The following FRMD3 variants were observed in gnomAD, a reference collection of about 807,000 sequenced individuals.
The protein encoded by FRMD3 is FERM domain containing 3.
A neutral mutation model predicts 70.2 loss-of-function variants in FRMD3; 33 were observed. That is an observed-to-expected ratio of 0.47 (90% CI 0.36 to 0.63). FRMD3 has a LOEUF of 0.63. FRMD3 is among the 20% of genes least tolerant of loss of function. The pLI is 0.00. For missense variants in FRMD3, 632 were observed against 711.4 expected, an observed-to-expected ratio of 0.89 and a Z score of 1.27; for synonymous variants, 279 against 255.9, an observed-to-expected ratio of 1.09 and a Z score of -0.86.
intron 1 of FRMD3, among the ~76,000 whole-genome samples, chr9:83,402,898 CTTTTTTTTTT>C (rs559570925): frequency 4.6e-5 from 4 of 87,296 alleles, no homozygotes; most frequent in African/African-American, 1.3e-4. Flanking sequence ...TTCTTTCTTT[CTTTTTTTTTT>C]TTTTTTTTTT....
At chr9:83,410,952 C>G (rs904739544) in intron 1 of FRMD3, among the ~76,000 whole-genome samples, 1 of 152,178 alleles carries the variant, frequency 6.6e-6, no homozygotes, top group Non-Finnish European at 1.5e-5. Flanking sequence ...TCACTCATCC[C>G]TGTACCTCAG....
At chr9:83,253,130 A>G (rs1178086846) in intron 13 of FRMD3, among the ~76,000 whole-genome samples, 3 of 152,160 alleles carry the variant, frequency 2.0e-5, no homozygotes, top group African/African-American at 7.2e-5. Flanking sequence ...GAAGTAAAAC[A>G]CTCTCCAAGA....
At chr9:83,562,067 G>T in the FRMD3 span, among the ~76,000 whole-genome samples, 1 of 152,172 alleles carries the variant, frequency 6.6e-6, no homozygotes, top group African/African-American at 2.4e-5. Flanking sequence ...AATAATGAGT[G>T]GATGGGATCA....
chr9:83,434,116 C>T (rs939576284), intron 1 of FRMD3, among the ~76,000 whole-genome samples: 1 of 152,208 alleles, frequency 6.6e-6, no homozygotes, highest in African/African-American at 2.4e-5. Context: ...CTTCCTCAAG[C>T]TCACAGGCTT....
At chr9:83,330,788 C>T (rs1836227269) in intron 6 of FRMD3, among the ~76,000 whole-genome samples, 1 of 152,196 alleles carries the variant, frequency 6.6e-6, no homozygotes, top group Admixed American at 6.5e-5. Flanking sequence ...ATTTAACTAG[C>T]CCTTACCTAG....
chr9:83,280,182 A>G (rs12115310), intron 13 of FRMD3, among the ~76,000 whole-genome samples: 8,428 of 152,272 alleles, frequency 0.055, 607 homozygotes, highest in African/African-American at 0.17. Context: ...GATCTAGGTC[A>G]TATCAATGTC....
At chr9:83,284,780 A>G (rs987948187) in intron 13 of FRMD3, among the ~76,000 whole-genome samples, 1 of 152,196 alleles carries the variant, frequency 6.6e-6, no homozygotes, top group African/African-American at 2.4e-5. Context: ...AACTACAGAA[A>G]GGGAGAAAAG....
intron 12 of FRMD3, among the ~76,000 whole-genome samples, chr9:83,295,472 G>A (rs561548083): frequency 6.6e-6 from 1 of 152,260 alleles, no homozygotes; most frequent in Non-Finnish European, 1.5e-5. Flanking sequence ...ATAAGAGATG[G>A]TAGTAATATT....
At chr9:83,275,797 A>G (rs1348007181) in intron 13 of FRMD3, 1 of 152,256 alleles carries the variant, frequency 6.6e-6, no homozygotes, top group African/African-American at 2.4e-5. Context: ...TGGGAGTAAC[A>G]TGAAGGGAAA....
intron 6 of FRMD3, among the ~76,000 whole-genome samples, chr9:83,317,426 G>A (rs1287246865): frequency 6.6e-6 from 1 of 152,030 alleles, no homozygotes; most frequent in Non-Finnish European, 1.5e-5. Flanking sequence ...AGCTTTGCTC[G>A]GGGTGATCCT....
intron 4 of FRMD3, among the ~76,000 whole-genome samples, chr9:83,348,234 C>T (rs1448225157): frequency 1.3e-5 from 2 of 151,630 alleles, no homozygotes; most frequent in East Asian, 3.9e-4. Flanking sequence ...CTCGCTCTCT[C>T]CTCTCTCTCT....
At chr9:83,455,165 C>T (rs1387214027) in intron 1 of FRMD3, among the ~76,000 whole-genome samples, 2 of 152,152 alleles carry the variant, frequency 1.3e-5, no homozygotes, top group Non-Finnish European at 2.9e-5. Context: ...ATTCCATATC[C>T]TATTTCTTCC....
intron 1 of FRMD3, among the ~76,000 whole-genome samples, chr9:83,419,482 TGA>T (rs897464333): frequency 2.7e-5 from 4 of 148,980 alleles, no homozygotes; most frequent in South Asian, 4.3e-4. Context: ...GTTCATGTGT[TGA>T]GAGTGTGTGT....
At chr9:83,502,668 A>C (rs1247750229) in intron 1 of FRMD3, among the ~76,000 whole-genome samples, 1 of 152,228 alleles carries the variant, frequency 6.6e-6, no homozygotes, top group East Asian at 1.9e-4. Context: ...AAAGGGCAGC[A>C]GAGGTTACCT....
At chr9:83,306,948 C>T (rs767335655) in intron 10 of FRMD3, among the ~76,000 whole-genome samples, 9 of 152,112 alleles carry the variant, frequency 5.9e-5, no homozygotes, top group South Asian at 2.1e-4. Flanking sequence ...GAATTGTACA[C>T]TTTAAAATAA....
chr9:83,307,367 C>A (rs11140017), intron 10 of FRMD3, among the ~76,000 whole-genome samples: 1 of 152,052 alleles, frequency 6.6e-6, no homozygotes. Context: ...ATCCAATGCT[C>A]GTAGCAGCAT....
chr9:83,533,886 C>T (rs1829838876), intron 1 of FRMD3, among the ~76,000 whole-genome samples: 1 of 152,098 alleles, frequency 6.6e-6, no homozygotes, highest in Admixed American at 6.5e-5. Flanking sequence ...GTTTACCAGG[C>T]TTTGCCAAAG....
intron 1 of FRMD3, among the ~76,000 whole-genome samples, chr9:83,523,028 T>C (rs1292472188): frequency 6.6e-6 from 1 of 152,214 alleles, no homozygotes. Context: ...AATCTGTTTA[T>C]GTGTCTGTCT....
At position 83,313,594 on chromosome 9, in the gene FRMD3, G is replaced by A. The variant is rs573546905; in HGVS notation, c.684+66C>T. On this transcript the variant is annotated intron_variant, in intron 7 of 13. Coordinates refer to ENST00000304195, the MANE Select transcript of FRMD3 (RefSeq NM_174938.6). ...TTTAACAAGGCTCTGCCAGGCCTGCGCACAGATAAACTCTCTTTTGGGCAA... is the reference window on the plus strand; with the variant it reads ...TTTAACAAGGCTCTGCCAGGCCTGCACACAGATAAACTCTCTTTTGGGCAA... 1,365 of 1,275,486 alleles carry A rather than the reference G, an allele frequency of 1.1e-3. 4 individuals carry two copies. The highest frequency in any genetic ancestry group is 1.4e-3 in the Non-Finnish European group (1,203 of 873,256). The allele number at this position is 1,275,486 out of a possible 1,614,324, so 79.0% of individuals were successfully genotyped here.
Sources: allele counts gnomAD v4.1 joint callset (sites outside exome capture counted in the v4.1 genomes callset), GRCh38; gene constraint gnomAD v4.1.1; transcripts MANE v1.5; gene names NCBI Gene and HGNC (gene_info 2026-07-23, HGNC 2026-07-21).